Variants in FOXN2 observed in about 807,000 individuals in gnomAD.
FOXN2 encodes forkhead box N2.
Under a neutral mutation model 41.2 loss-of-function variants are expected in FOXN2, and 19 were observed. That is an observed-to-expected ratio of 0.46 (90% CI 0.32 to 0.68). FOXN2 has a LOEUF of 0.68. FOXN2 is among the 30% of genes least tolerant of loss of function. The pLI is 0.03. For synonymous variants in FOXN2, 195 were observed against 176.8 expected (o/e 1.10, Z -0.82); for missense variants, 587 against 509.4 (o/e 1.15, Z -1.47).
chr2:48,331,293 A>T lies in FOXN2; in HGVS notation c.-15+2591A>T, dbSNP rs1182370250. ...ATATAATGGATGAAATATAAATTTT[A>T]AAAAAGTAAACAATTATTTAGAAAC... On this transcript the variant is annotated intron_variant, in intron 2 of 6. Transcript: ENST00000340553. Among the ~76,000 whole-genome samples, 9 of 152,332 alleles carry T rather than the reference A, an allele frequency of 5.9e-5. No individual in the cohort carries two copies. In the South Asian group the frequency reaches 8.3e-4, roughly 14 times the overall value.
chr2:48,340,766 A>G (rs1377841372), intron 2 of FOXN2: 3 of 152,222 alleles, frequency 2.0e-5, no homozygotes, highest in Non-Finnish European at 4.4e-5. Context: ...AAAGTTTCCA[A>G]TTAGCAATAA....
At chr2:48,317,434 G>C (rs139952524) in intron 1 of FOXN2, among the ~76,000 whole-genome samples, 3 of 149,636 alleles carry the variant, frequency 2.0e-5, no homozygotes, top group Non-Finnish European at 3.0e-5. Context: ...GGGCAACGGG[G>C]CAAAACTCTG....
intron 2 of FOXN2, among the ~76,000 whole-genome samples, chr2:48,335,690 A>G (rs1360373630): frequency 6.6e-6 from 1 of 152,240 alleles, no homozygotes; most frequent in Non-Finnish European, 1.5e-5. Flanking sequence ...TAGGTGAATA[A>G]AAGTGGACTC....
At chr2:48,342,480 A>G (rs1670841561) in intron 2 of FOXN2, among the ~76,000 whole-genome samples, 1 of 152,138 alleles carries the variant, frequency 6.6e-6, no homozygotes, top group Non-Finnish European at 1.5e-5. Context: ...AATTTTTAAT[A>G]ATTCGTGATA....
chr2:48,324,137 A>G (rs1669512225), intron 1 of FOXN2, among the ~76,000 whole-genome samples: 1 of 152,108 alleles, frequency 6.6e-6, no homozygotes, highest in African/African-American at 2.4e-5. Flanking sequence ...ACAAAGTAGA[A>G]TGGAAAACAT....
At chr2:48,349,649 C>T (rs1272389144) in intron 3 of FOXN2, among the ~76,000 whole-genome samples, 2 of 152,270 alleles carry the variant, frequency 1.3e-5, no homozygotes, top group East Asian at 3.9e-4. Flanking sequence ...GTGGCATATG[C>T]CTGTAATCCC....
intron 2 of FOXN2, among the ~76,000 whole-genome samples, chr2:48,344,052 GTTTT>G (rs1202676887): frequency 1.3e-5 from 2 of 152,058 alleles, no homozygotes; most frequent in East Asian, 3.9e-4. Context: ...CTAAAGAGTG[GTTTT>G]TTGTTTGTTT....
At position 48,377,659 on chromosome 2, in the gene FOXN2, T is replaced by G. The variant is rs558787010; in HGVS notation, c.*2216T>G. 46 of 152,210 alleles carry G rather than the reference T, an allele frequency of 3.0e-4. 1 individual carries two copies. The highest frequency in any genetic ancestry group is 9.9e-4 in the African/African-American group (41 of 41,564). The allele number at this position is 152,210 out of a possible 1,614,324, so 9.4% of individuals were successfully genotyped here. On this transcript the variant is annotated 3_prime_UTR_variant, in exon 7 of 7. Transcript: ENST00000340553. ...CACGAATTTAAATGTTTAAGTTATA[T>G]TCATCACTAGCAAGGATGATAAACA... is the stretch of plus-strand genomic sequence containing the variant.
At chr2:48,340,796 A>C (rs1171121503) in intron 2 of FOXN2, 1 of 152,200 alleles carries the variant, frequency 6.6e-6, no homozygotes, top group Non-Finnish European at 1.5e-5. Flanking sequence ...GATAAACCTC[A>C]TTGGCTACGA....
intron 1 of FOXN2, among the ~76,000 whole-genome samples, chr2:48,317,340 T>G (rs923566406): frequency 6.6e-6 from 1 of 151,540 alleles, no homozygotes; most frequent in Non-Finnish European, 1.5e-5. Context: ...TCCCAGCTAC[T>G]CGTGAGGCTG....
chr2:48,332,158 GTCTTT>G (rs756845348), intron 2 of FOXN2, among the ~76,000 whole-genome samples: 19 of 152,124 alleles, frequency 1.2e-4, no homozygotes, highest in African/African-American at 4.3e-4. Context: ...TTGTTGCTGT[GTCTTT>G]TCTTTTTGTT....
intron 2 of FOXN2, among the ~76,000 whole-genome samples, chr2:48,342,148 T>A (rs900239603): frequency 2.0e-5 from 3 of 152,186 alleles, no homozygotes; most frequent in African/African-American, 4.8e-5. Context: ...CAAAAATTAG[T>A]AATATAAATC....
At chr2:48,336,857 G>A (rs1670396174) in intron 2 of FOXN2, among the ~76,000 whole-genome samples, 1 of 151,726 alleles carries the variant, frequency 6.6e-6, no homozygotes, top group Non-Finnish European at 1.5e-5. Flanking sequence ...ATATTTATGG[G>A]GTACGTGAGA....
chr2:48,345,178 T>C (rs1041342588), intron 2 of FOXN2, among the ~76,000 whole-genome samples: 1 of 152,198 alleles, frequency 6.6e-6, no homozygotes, highest in African/African-American at 2.4e-5. Context: ...TGAGATGATA[T>C]AGAATGCAGA....
At chr2:48,328,094 CTT>C (rs1384741254) in intron 1 of FOXN2, among the ~76,000 whole-genome samples, 1 of 152,180 alleles carries the variant, frequency 6.6e-6, no homozygotes, top group Non-Finnish European at 1.5e-5. Flanking sequence ...ATGACTATGA[CTT>C]ATATTCAAGG....
At chr2:48,338,660 A>G (rs1451654814) in intron 2 of FOXN2, among the ~76,000 whole-genome samples, 2 of 152,074 alleles carry the variant, frequency 1.3e-5, no homozygotes, top group Non-Finnish European at 2.9e-5. Flanking sequence ...CTGCCTCCCA[A>G]AGTGCTGAGA....
chr2:48,319,746 G>T lies in FOXN2; in HGVS notation c.-157+4932G>T, dbSNP rs568907281. Among the ~76,000 whole-genome samples the T allele has an allele frequency of 8.0e-5, 12 of 149,198 alleles. No homozygotes were observed. The South Asian group carries it at 1.9e-3, about 24-fold the overall frequency. On this transcript the variant is annotated intron_variant, in intron 1 of 6. Coordinates refer to ENST00000340553, the MANE Select transcript of FOXN2 (RefSeq NM_002158.4). The stretch of plus-strand genomic sequence containing the variant: ...CTGCCTCAACCTACCAAGTAGCTGG[G>T]ACCACAGGGGCGCTCCACCACCCCT...
At chr2:48,340,642 T>A (rs916051741) in intron 2 of FOXN2, 1 of 152,214 alleles carries the variant, frequency 6.6e-6, no homozygotes, top group Non-Finnish European at 1.5e-5. Flanking sequence ...CTCTCCACTT[T>A]TATTTTTATT....
chr2:48,326,769 A>T (rs1669705732), intron 1 of FOXN2, among the ~76,000 whole-genome samples: 1 of 152,228 alleles, frequency 6.6e-6, no homozygotes, highest in South Asian at 2.1e-4. Flanking sequence ...CAAGGGAAAA[A>T]TAAAATTACC....
Sources: allele counts gnomAD v4.1 joint callset (sites outside exome capture counted in the v4.1 genomes callset), GRCh38; gene constraint gnomAD v4.1.1; transcripts MANE v1.5; gene names NCBI Gene and HGNC (gene_info 2026-07-23, HGNC 2026-07-21).